TECPR1: variants seen among roughly 807,000 people sequenced by gnomAD.
TECPR1 encodes the protein tectonin beta-propeller repeat-containing protein 1.
Under a neutral mutation model 162.4 loss-of-function variants are expected in TECPR1, and 122 were observed. That is an observed-to-expected ratio of 0.75 (90% CI 0.65 to 0.87). The LOEUF is 0.87. Among genes scored for constraint, TECPR1 ranks in the 40% least tolerant of loss-of-function variants. The pLI is 0.00. For synonymous variants in TECPR1, 642 were observed against 670.6 expected (o/e 0.96, Z 0.66); for missense variants, 1,432 against 1,618.2 (o/e 0.88, Z 1.97).
chr7:98,248,895 T>G (rs372921616), intron 2 of TECPR1, among the ~76,000 whole-genome samples: 2 of 145,162 alleles, frequency 1.4e-5, no homozygotes, highest in African/African-American at 5.0e-5. Context: ...AGGTGCATCT[T>G]TTTTTTTTTT....
chr7:98,241,084 C>G lies in TECPR1; in HGVS notation c.818G>C (p.Arg273Thr). 6.2e-7 allele frequency: 1 copy of G among 1,607,450 alleles called. No individual in the cohort carries two copies. Among genetic ancestry groups the G allele is most frequent in the Non-Finnish European group, 8.5e-7 (1 of 1,176,892 alleles). The stretch of plus-strand genomic sequence containing the variant: ...GGGCTGCCCACCTTTGGGATTGCTC[C>G]TGTTGATTCCTTCCCGGACCAGGGC... ...GQALVREGINRSNPKGSSWSI... is the reference protein window; with the variant it reads ...GQALVREGINTSNPKGSSWSI... The change falls in exon 7 of 26, where the codon AGG becomes ACG. Residue 273 changes from arginine (R) to threonine (T), a missense_variant. Arg to Thr is a moderately conservative substitution (Grantham distance 71). Transcript: ENST00000447648. This position sits in a 1 kb window ranked among gnomAD's most constrained non-coding sequence, Gnocchi z 5.0.
At chr7:98,218,150 G>T in intron 23 of TECPR1, 108 bp from the exon 24 acceptor site, 1 of 861,890 alleles carries the variant, frequency 1.2e-6, no homozygotes, top group Non-Finnish European at 1.8e-6. Flanking sequence ...TTCGGGGTTT[G>T]GGAAGCTGCT....
At chr7:98,246,468 C>T (rs999497595) in intron 2 of TECPR1, among the ~76,000 whole-genome samples, 4 of 151,944 alleles carry the variant, frequency 2.6e-5, no homozygotes, top group Non-Finnish European at 5.9e-5. Context: ...GGTTTCGCCA[C>T]ATTGGCCAGG....
Position 98,238,480 on chromosome 7 carries a change from G to A in TECPR1, c.1035+29C>T, listed in dbSNP as rs759271738. 2.1e-5 allele frequency: 33 copies of A among 1,541,196 alleles called. No homozygotes were observed. The Admixed American group carries it at 2.7e-4, about 13-fold the overall frequency. On this transcript the variant is annotated intron_variant, in intron 9 of 25. Coordinates refer to ENST00000447648, the MANE Select transcript of TECPR1 (RefSeq NM_015395.3). ...GAGCCCCCATTCTGAGACCCCTGCTGTTTAGGGGCTGCAGACCCACGTGCA... is the reference window on the plus strand; with the variant it reads ...GAGCCCCCATTCTGAGACCCCTGCTATTTAGGGGCTGCAGACCCACGTGCA...
At chr7:98,247,784 G>A (rs1035807232) in intron 2 of TECPR1, among the ~76,000 whole-genome samples, 3 of 151,938 alleles carry the variant, frequency 2.0e-5, no homozygotes, top group African/African-American at 2.4e-5. Flanking sequence ...GTACAGTGGT[G>A]CAATCATAGC....
intron 23 of TECPR1, among the ~76,000 whole-genome samples, chr7:98,218,714 A>G (rs1476470623): frequency 6.6e-6 from 1 of 152,240 alleles, no homozygotes; most frequent in African/African-American, 2.4e-5. Context: ...AAGAAATCAT[A>G]GATGACAGAA....
chr7:98,231,460 C>T, intron 13 of TECPR1, 87 bp from the exon 14 acceptor site: 1 of 1,421,794 alleles, frequency 7.0e-7, no homozygotes, highest in Non-Finnish European at 9.5e-7. Flanking sequence ...CACCCTGGGA[C>T]CCTGGCCCTC....
intron 13 of TECPR1, 101 bp downstream of exon 13, chr7:98,231,703 C>T: frequency 7.2e-7 from 1 of 1,395,166 alleles, no homozygotes; most frequent in East Asian, 2.6e-5. Flanking sequence ...ACCCTCATTT[C>T]TGTACCCCTC....
intron 2 of TECPR1, among the ~76,000 whole-genome samples, chr7:98,246,873 A>T (rs1184288215): frequency 2.0e-5 from 3 of 151,628 alleles, no homozygotes; most frequent in South Asian, 2.1e-4. Context: ...ATGAGCCACC[A>T]CGCCCGGTCT....
intron 25 of TECPR1, 88 bp downstream of exon 25, chr7:98,217,604 G>A (rs1252994095): frequency 4.1e-5 from 63 of 1,532,322 alleles, no homozygotes; most frequent in Non-Finnish European, 5.4e-5. Flanking sequence ...CGGGTCCCAG[G>A]GGACAGTCCC....
At chr7:98,242,766 T>TCCAC (rs1317944382) in intron 6 of TECPR1, among the ~76,000 whole-genome samples, 1 of 28,240 alleles carries the variant, frequency 3.5e-5, no homozygotes, top group African/African-American at 1.5e-4. Context: ...CACCCACCCA[T>TCCAC]CCACCCACCC....
chr7:98,216,596 G>C lies in TECPR1; in HGVS notation c.*794C>G, dbSNP rs374529519. ...TTTTTTTTGAGATGGAGTCTCTGTC[G>C]CCCAGGCTGGAGTGCAGTGGCATGA... On this transcript the variant is annotated 3_prime_UTR_variant, in exon 26 of 26. Transcript: ENST00000447648. 1 of 131,600 alleles carries C rather than the reference G, an allele frequency of 7.6e-6. No homozygotes were observed. The highest frequency in any genetic ancestry group is 8.9e-5 in the Admixed American group (1 of 11,298). The allele number at this position is 131,600 out of a possible 1,614,324, so 8.2% of individuals were successfully genotyped here. A position where few individuals can be genotyped will look rare whatever the true frequency, so the allele number is the denominator to read the frequency against.
intron 11 of TECPR1, 86 bp downstream of exon 11, chr7:98,233,335 C>CCT: frequency 7.3e-7 from 1 of 1,368,998 alleles, no homozygotes; most frequent in Non-Finnish European, 9.5e-7. Context: ...CCTGCCCGAG[C>CCT]CCCCTGACCC....
intron 23 of TECPR1, among the ~76,000 whole-genome samples, chr7:98,220,080 G>C (rs139839528): frequency 1.3e-5 from 2 of 152,062 alleles, no homozygotes; most frequent in Non-Finnish European, 2.9e-5. Flanking sequence ...GGTGGCTCAT[G>C]CCTGTAATCC....
In TECPR1 at chr7:98,221,715, T is replaced by C; in HGVS notation, c.3103A>G (p.Arg1035Gly). Residue 1035 changes from arginine (R) to glycine (G), a missense_variant, in exon 23 of 26, where the codon AGG (arginine) becomes GGG (glycine). Coordinates refer to ENST00000447648, the MANE Select transcript of TECPR1 (RefSeq NM_015395.3). ...WYHIPSPPRQ[R>G]LKQVSAGQTS... The stretch of plus-strand genomic sequence containing the variant: ...TGCCCCGCGGACACCTGCTTCAGCC[T>C]CTGTCTCGGTGGGGACGGGATGTGG... 1 of 1,613,488 alleles carries C rather than the reference T, an allele frequency of 6.2e-7. No homozygotes were observed. The highest frequency in any genetic ancestry group is 1.6e-4 in the Middle Eastern group (1 of 6,062).
At position 98,228,078 on chromosome 7, in the gene TECPR1, C is replaced by G. The variant is rs758756532; in HGVS notation, c.2449G>C (p.Asp817His). The change falls in exon 17 of 26, where the codon GAC becomes CAC. Residue 817 changes from aspartate (D) to histidine (H), a missense_variant. Asp to His is a moderately conservative substitution (Grantham distance 81, BLOSUM62 -1). Coordinates refer to ENST00000447648, the MANE Select transcript of TECPR1 (RefSeq NM_015395.3). ...SSTSNIYTQS[D>H]VKCVHIYENQ... is the part of the protein sequence containing the mutation. ...TCATAGATGTGAACACACTTCACGT[C>G]TGACTGCGTGTAGATGTTACTGGTG... The G allele has an allele frequency of 5.6e-6, 9 of 1,612,732 alleles. No homozygotes were observed. The highest frequency in any genetic ancestry group is 6.8e-6 in the Non-Finnish European group (8 of 1,179,576).
At position 98,231,920 on chromosome 7, in the gene TECPR1, C is replaced by A. The variant is rs781632622; in HGVS notation, c.1858G>T (p.Asp620Tyr). 3.1e-6 allele frequency: 5 copies of A among 1,609,506 alleles called. No individual in the cohort carries two copies. The highest frequency in any genetic ancestry group is 1.1e-5 in the South Asian group (1 of 91,072). ...VKTGALQWWC[D>Y]WKPHKWVDVR... The stretch of plus-strand genomic sequence containing the variant: ...TCCACCCACTTGTGGGGCTTCCAGT[C>A]GCACCACCACTGCAGCGCCCCGGTC... Residue 620 changes from aspartate (D) to tyrosine (Y), a missense_variant, in exon 13 of 26, where the codon GAC becomes TAC. Physicochemically the swap from Asp to Tyr is radical, Grantham distance 160. Transcript: ENST00000447648.
chr7:98,245,315 T>C (rs1171935470), intron 3 of TECPR1, among the ~76,000 whole-genome samples: 2 of 152,236 alleles, frequency 1.3e-5, no homozygotes, highest in East Asian at 1.9e-4. Context: ...GCCACGGCGC[T>C]GTGAGCAGGG....
chr7:98,217,545 G>A lies in TECPR1; in HGVS notation c.3385-42C>T, dbSNP rs546216330. 376 of 38,330 alleles carry A rather than the reference G, an allele frequency of 9.8e-3. 3 individuals are homozygous for A. Among genetic ancestry groups the A allele is most frequent in the Admixed American group, 0.019 (15 of 808 alleles). The allele number at this position is 38,330 out of a possible 1,614,324, so 2.4% of individuals were successfully genotyped here. On this transcript the variant is annotated intron_variant, in intron 25 of 25. Coordinates refer to ENST00000447648, the MANE Select transcript of TECPR1 (RefSeq NM_015395.3). ...GTGTCACCAGGGGACTCGGGGACTC[G>A]AGGATCCTGGAGGGGATCTGCCTGG... is the stretch of plus-strand genomic sequence containing the variant.
Sources: gnomAD v4.1 joint callset for allele counts (sites outside exome capture counted in the v4.1 genomes callset) on GRCh38, gnomAD v4.1.1 for gene constraint, Gnocchi (gnomAD v3.1) non-coding constraint, MANE v1.5 for transcripts, NCBI Gene and HGNC (gene_info 2026-07-23, HGNC 2026-07-21) for gene names.